CAB39L: variants seen among roughly 807,000 people sequenced by gnomAD.
CAB39L encodes the protein calcium binding protein 39 like.
Under a neutral mutation model 39.1 loss-of-function variants are expected in CAB39L, and 23 were observed. The ratio of observed to expected loss-of-function variants is 0.59; its 90% CI spans 0.42 to 0.83. The LOEUF (loss-of-function observed/expected upper bound fraction) is 0.83, where lower values mean the gene tolerates loss of function less well. CAB39L is among the 40% of genes least tolerant of loss of function. CAB39L has a pLI of 0.00. For missense variants in CAB39L, 366 were observed against 391.9 expected (o/e 0.93, Z 0.56); for synonymous variants, 126 against 137.2 (o/e 0.92, Z 0.57).
intron 10 of CAB39L, among the ~76,000 whole-genome samples, chr13:49,315,296 T>G (rs1954124008): frequency 6.6e-6 from 1 of 152,054 alleles, no homozygotes; most frequent in Non-Finnish European, 1.5e-5. Flanking sequence ...TTACTTACAG[T>G]GAGCCCACCG....
At chr13:49,385,814 A>G (rs945082615) in intron 3 of CAB39L, among the ~76,000 whole-genome samples, 1 of 152,234 alleles carries the variant, frequency 6.6e-6, no homozygotes, top group African/African-American at 2.4e-5. Flanking sequence ...TCCCAAAACA[A>G]TTACAATAGT....
At chr13:49,436,091 C>T (rs751700876) in intron 1 of CAB39L, among the ~76,000 whole-genome samples, 5 of 152,170 alleles carry the variant, frequency 3.3e-5, no homozygotes, top group Non-Finnish European at 5.9e-5. Flanking sequence ...CTTATACTTT[C>T]GTAGACTTTA....
intron 9 of CAB39L, among the ~76,000 whole-genome samples, chr13:49,338,694 G>A (rs1032851671): frequency 1.3e-5 from 2 of 152,028 alleles, no homozygotes; most frequent in South Asian, 2.1e-4. Context: ...GCAAAATTTC[G>A]TATATGCGAT....
At chr13:49,324,091 C>T (rs530480324) in intron 10 of CAB39L, among the ~76,000 whole-genome samples, 2 of 152,028 alleles carry the variant, frequency 1.3e-5, no homozygotes, top group South Asian at 2.1e-4. Flanking sequence ...GGAGGCAGAT[C>T]ACTTGAGGTC....
chr13:49,310,877 C>A lies in CAB39L; in HGVS notation c.951G>T (p.Gln317His). ...TCAAGTAGTTCTTCTCGTCAGCGAA[C>A]TGCTCATCATCCGTCCTTTCTTTTT... ...SFQKERTDDE[Q>H]FADEKNYLIK... The change falls in exon 11 of 11, where the codon CAG becomes CAT. Residue 317 changes from glutamine to histidine, a missense_variant. Coordinates refer to ENST00000409308, the MANE Select transcript of CAB39L (RefSeq NM_001079670.3). 2 of 1,614,190 alleles carry A rather than the reference C, an allele frequency of 1.2e-6. No individual in the cohort carries two copies. Among genetic ancestry groups the A allele is most frequent in the Non-Finnish European group, 1.7e-6 (2 of 1,180,044 alleles).
intron 10 of CAB39L, among the ~76,000 whole-genome samples, chr13:49,324,177 T>G (rs942463898): frequency 2.0e-5 from 3 of 150,558 alleles, no homozygotes; most frequent in Non-Finnish European, 4.4e-5. Context: ...ATTAGCCAGG[T>G]GTGGTGGTGG....
intron 10 of CAB39L, among the ~76,000 whole-genome samples, chr13:49,325,537 C>T (rs1341050698): frequency 6.6e-6 from 1 of 152,086 alleles, no homozygotes; most frequent in Non-Finnish European, 1.5e-5. Flanking sequence ...GCCTGTAATC[C>T]CAGCACTTTG....
intron 7 of CAB39L, among the ~76,000 whole-genome samples, chr13:49,348,880 A>G (rs1955259596): frequency 6.6e-6 from 1 of 152,144 alleles, no homozygotes; most frequent in African/African-American, 2.4e-5. Context: ...CTGACGGCCC[A>G]GCCTGCAGGC....
Position 49,357,419 on chromosome 13 carries a change from T to A in CAB39L, c.395+2295A>T, listed in dbSNP as rs200862592. 5.8e-4 allele frequency among the ~76,000 whole-genome samples: 89 copies of A among 152,318 alleles called. No individual in the cohort carries two copies. The East Asian group carries it at 0.016, about 27-fold the overall frequency. On this transcript the variant is annotated intron_variant, in intron 6 of 10. Transcript: ENST00000409308. ...TAGCAAACAATGAGTAAATGGTTTA[T>A]ACAAAACAGGATGTGAAGGAATGAG...
intron 8 of CAB39L, among the ~76,000 whole-genome samples, chr13:49,343,322 A>T (rs1197840785): frequency 6.6e-6 from 1 of 152,086 alleles, no homozygotes; most frequent in Non-Finnish European, 1.5e-5. Context: ...ATCCCGTCAA[A>T]CTCCCTCAAC....
chr13:49,442,707 G>A lies in CAB39L; in HGVS notation c.-246+1279C>T, dbSNP rs567182828. ...CTCAGGAGGCTGAGGCAGGAGAATC[G>A]CTTGAACCACGGAGGCAGAGTTGCA... is the stretch of plus-strand genomic sequence containing the variant. On this transcript the variant is annotated intron_variant, in intron 1 of 10. Coordinates refer to ENST00000409308, the MANE Select transcript of CAB39L (RefSeq NM_001079670.3). 6.9e-5 allele frequency among the ~76,000 whole-genome samples: 10 copies of A among 144,228 alleles called. 1 individual carries two copies. In the South Asian group the frequency reaches 2.2e-3, roughly 32 times the overall value. 94.6% of individuals were successfully genotyped at this position (144,228 alleles called of 152,430 possible). A position where few individuals can be genotyped will look rare whatever the true frequency, so the allele number is the denominator to read the frequency against.
At chr13:49,317,245 G>A (rs576484100) in intron 10 of CAB39L, among the ~76,000 whole-genome samples, 1 of 152,186 alleles carries the variant, frequency 6.6e-6, no homozygotes, top group South Asian at 2.1e-4. Context: ...CACTCAACAC[G>A]GAGGCTGGGT....
At chr13:49,358,777 T>C (rs540392041) in intron 6 of CAB39L, among the ~76,000 whole-genome samples, 15 of 152,136 alleles carry the variant, frequency 9.9e-5, no homozygotes, top group South Asian at 2.1e-4. Flanking sequence ...GGAGAACTGC[T>C]TGAACCCAGG....
At chr13:49,371,991 G>C (rs1369995652) in intron 5 of CAB39L, among the ~76,000 whole-genome samples, 2 of 152,116 alleles carry the variant, frequency 1.3e-5, no homozygotes, top group Non-Finnish European at 2.9e-5. Context: ...TATTCAGCCT[G>C]AACAGTTCAC....
chr13:49,402,687 C>T (rs1221866167), intron 3 of CAB39L, among the ~76,000 whole-genome samples: 1 of 151,978 alleles, frequency 6.6e-6, no homozygotes, highest in African/African-American at 2.4e-5. Context: ...TTGTTTATAT[C>T]CCTTAAGAAA....
At chr13:49,356,662 A>G (rs1955493884) in intron 6 of CAB39L, among the ~76,000 whole-genome samples, 1 of 152,236 alleles carries the variant, frequency 6.6e-6, no homozygotes, top group African/African-American at 2.4e-5. Context: ...GTGTAAATGT[A>G]CCAATCAAGT....
chr13:49,334,330 T>C (rs983188582), intron 9 of CAB39L, among the ~76,000 whole-genome samples: 3 of 152,144 alleles, frequency 2.0e-5, no homozygotes, highest in Admixed American at 6.5e-5. Flanking sequence ...TAGATTCCCA[T>C]AGATTTAGAA....
chr13:49,415,142 A>G (rs1957060777), intron 3 of CAB39L, among the ~76,000 whole-genome samples: 1 of 152,110 alleles, frequency 6.6e-6, no homozygotes, highest in South Asian at 2.1e-4. Context: ...GGCTGCAGTT[A>G]GCCAAGATCA....
chr13:49,401,355 C>T (rs1956765423), intron 3 of CAB39L: 1 of 152,208 alleles, frequency 6.6e-6, no homozygotes, highest in African/African-American at 2.4e-5. Flanking sequence ...ACAGTTACCA[C>T]TGGAAAACGT....
Sources: gnomAD v4.1 joint callset for allele counts (sites outside exome capture counted in the v4.1 genomes callset) on GRCh38, gnomAD v4.1.1 for gene constraint, MANE v1.5 for transcripts, NCBI Gene and HGNC (gene_info 2026-07-23, HGNC 2026-07-21) for gene names.